LRRC37A2: variants seen among roughly 807,000 people sequenced by gnomAD.
LRRC37A2 encodes leucine-rich repeat-containing protein 37A2.
A neutral mutation model predicts 68.8 loss-of-function variants in LRRC37A2; 9 were observed. The ratio of observed to expected loss-of-function variants is 0.13; its 90% CI spans 0.08 to 0.23. The LOEUF (loss-of-function observed/expected upper bound fraction) is 0.23. Ranked by LOEUF, LRRC37A2 falls within the 10% of genes least tolerant of loss-of-function variation. The pLI, the probability that LRRC37A2 is intolerant of heterozygous loss-of-function variation, is 1.00. For synonymous variants in LRRC37A2, 63 were observed against 367.6 expected (o/e 0.17, Z 9.48); for missense variants, 168 against 950.4 (o/e 0.18, Z 10.82).
chr17:46,865,083 A>G, the LRRC37A2 span, among the ~76,000 whole-genome samples: 1 of 152,208 alleles, frequency 6.6e-6, no homozygotes, highest in Non-Finnish European at 1.5e-5. Context: ...AGCCACTGTG[A>G]CACCTGATGC....
chr17:46,755,329 C>G, the LRRC37A2 span: 1 of 1,613,336 alleles, frequency 6.2e-7, no homozygotes, highest in Non-Finnish European at 8.5e-7. Flanking sequence ...TCCTGAATAC[C>G]GTGTGAGAAA....
the LRRC37A2 span, among the ~76,000 whole-genome samples, chr17:46,901,036 T>C: frequency 4.6e-5 from 7 of 152,198 alleles, no homozygotes; most frequent in African/African-American, 7.2e-5. Flanking sequence ...CTGCCCTACA[T>C]AGGCATTAAA....
the LRRC37A2 span, chr17:46,935,673 CT>C: frequency 1.0e-6 from 1 of 990,968 alleles, no homozygotes; most frequent in Non-Finnish European, 1.2e-6. Context: ...GCTTTAGAAG[CT>C]TCTAGAGCTT....
chr17:47,047,970 A>G, the LRRC37A2 span, among the ~76,000 whole-genome samples: 4 of 151,234 alleles, frequency 2.6e-5, no homozygotes, highest in Non-Finnish European at 4.4e-5. Flanking sequence ...GCTTGAATAC[A>G]GGTATCTACC....
At chr17:46,945,281 T>G in the LRRC37A2 span, among the ~76,000 whole-genome samples, 4 of 152,142 alleles carry the variant, frequency 2.6e-5, no homozygotes, top group African/African-American at 9.7e-5. Flanking sequence ...GCTGGGAAAC[T>G]TGCTGCTCAG....
chr17:46,905,619 C>T, the LRRC37A2 span, among the ~76,000 whole-genome samples: 5 of 152,324 alleles, frequency 3.3e-5, no homozygotes, highest in Admixed American at 2.0e-4. Context: ...AGGGATTGAC[C>T]CATGACCTTG....
the LRRC37A2 span, among the ~76,000 whole-genome samples, chr17:46,868,859 A>G: frequency 6.6e-6 from 1 of 152,208 alleles, no homozygotes; most frequent in Non-Finnish European, 1.5e-5. Context: ...CACACCCAGA[A>G]TTATTCTGGG....
chr17:46,751,480 ATTATTGT>A, the LRRC37A2 span: 2 of 1,569,886 alleles, frequency 1.3e-6, no homozygotes, highest in Non-Finnish European at 1.8e-6. Flanking sequence ...AAGTGCTTTG[ATTATTGT>A]TTATTGTTTT....
At chr17:46,973,477 G>A in the LRRC37A2 span, among the ~76,000 whole-genome samples, 1 of 152,044 alleles carries the variant, frequency 6.6e-6, no homozygotes, top group Non-Finnish European at 1.5e-5. Flanking sequence ...TTGCTTCGTT[G>A]TTGAAAATTG....
the LRRC37A2 span, chr17:47,018,539 A>G: frequency 1.4e-4 from 211 of 1,520,474 alleles, no homozygotes; most frequent in African/African-American, 2.7e-3. Context: ...GTAATGATGT[A>G]GAACCTCCCA....
At chr17:46,794,528 C>A in the LRRC37A2 span, among the ~76,000 whole-genome samples, 2 of 152,172 alleles carry the variant, frequency 1.3e-5, no homozygotes, top group African/African-American at 4.8e-5. Flanking sequence ...CTGAGAAGGG[C>A]TCTTCAAGGC....
chr17:46,772,651 A>G, the LRRC37A2 span, among the ~76,000 whole-genome samples: 1 of 152,152 alleles, frequency 6.6e-6, no homozygotes, highest in Non-Finnish European at 1.5e-5. Context: ...TTTGCTAATT[A>G]CCCTCCTGTC....
chr17:46,721,125 C>T, the LRRC37A2 span, among the ~76,000 whole-genome samples: 2 of 152,204 alleles, frequency 1.3e-5, no homozygotes, highest in Non-Finnish European at 2.9e-5. Context: ...TCCTGTCCCT[C>T]AGTGCTCACG....
At chr17:46,874,285 A>G in the LRRC37A2 span, among the ~76,000 whole-genome samples, 1 of 152,186 alleles carries the variant, frequency 6.6e-6, no homozygotes, top group Non-Finnish European at 1.5e-5. Flanking sequence ...TCTATTCCAC[A>G]GTGGGTAGCA....
At chr17:46,942,539 TGTGCAGGGGACTGAGATG>T in the LRRC37A2 span, among the ~76,000 whole-genome samples, 2 of 152,066 alleles carry the variant, frequency 1.3e-5, no homozygotes, top group Non-Finnish European at 2.9e-5. Flanking sequence ...GATTGAGAGG[TGTGCAGGGGACTGAGATG>T]GTGCAGCCTG....
At chr17:47,028,940 A>G in the LRRC37A2 span, among the ~76,000 whole-genome samples, 8 of 150,830 alleles carry the variant, frequency 5.3e-5, no homozygotes, top group Admixed American at 4.6e-4. Context: ...GCACCTTGGG[A>G]GGCCAAGGTG....
the LRRC37A2 span, among the ~76,000 whole-genome samples, chr17:47,009,776 G>A: frequency 1.3e-5 from 2 of 152,230 alleles, no homozygotes; most frequent in Non-Finnish European, 1.5e-5. Context: ...GAGGGCACGG[G>A]GCAGCATTGC....
chr17:46,889,084 T>C, the LRRC37A2 span, among the ~76,000 whole-genome samples: 1 of 152,136 alleles, frequency 6.6e-6, no homozygotes, highest in Non-Finnish European at 1.5e-5. Context: ...AAGAGAACCA[T>C]TTCTTCTGAC....
chr17:46,901,638 G>A, the LRRC37A2 span, among the ~76,000 whole-genome samples: 1 of 152,120 alleles, frequency 6.6e-6, no homozygotes, highest in Non-Finnish European at 1.5e-5. Context: ...AAGTTCTCCA[G>A]CCTTCTAATG....
Sources: allele counts gnomAD v4.1 joint callset (sites outside exome capture counted in the v4.1 genomes callset), GRCh38; gene constraint gnomAD v4.1.1; transcripts MANE v1.5; gene names NCBI Gene and HGNC (gene_info 2026-07-23, HGNC 2026-07-21).